Variants in CYSTM1 observed in about 807,000 individuals in gnomAD.
CYSTM1 encodes cysteine rich transmembrane module containing 1, also known as cysteine-rich transmembrane module-containing protein 1.
CYSTM1 carries 4 observed loss-of-function variants against 13.1 expected under a neutral mutation model. The observed-to-expected ratio is 0.31, with a 90% confidence interval of 0.15 to 0.70. The LOEUF is 0.70. Among genes scored for constraint, CYSTM1 ranks in the 30% least tolerant of loss-of-function variants. CYSTM1 has a pLI of 0.72. For synonymous variants in CYSTM1, 36 were observed against 42.7 expected (o/e 0.84, Z 0.62); for missense variants, 96 against 121.6 (o/e 0.79, Z 0.99).
chr5:140,204,344 G>A lies in CYSTM1; in HGVS notation c.187+9692G>A, dbSNP rs141245287. 3.0e-3 allele frequency among the ~76,000 whole-genome samples: 460 copies of A among 152,282 alleles called. 1 individual carries two copies. Among genetic ancestry groups the A allele is most frequent in the African/African-American group, 0.011 (445 of 41,554 alleles). The stretch of plus-strand genomic sequence containing the variant: ...ACTAGGATTGAGCCACTGCACTCCA[G>A]CTTGTGCGACAGAGCAAGACCCTGT... On this transcript the variant is annotated intron_variant, in intron 2 of 2. Transcript: ENST00000261811.
intron 1 of CYSTM1, among the ~76,000 whole-genome samples, chr5:140,185,213 T>TTCATTCAAGGCCAGGCCTTC (rs1764002081): frequency 6.6e-6 from 1 of 152,210 alleles, no homozygotes. Context: ...CCTTCAGAGG[T>TTCATTCAAGGCCAGGCCTTC]AGATGATCCA....
rs1764726961 is a variant in CYSTM1, at chr5:140,239,952, T to C, written c.188-3353T>C. 6.6e-6 allele frequency among the ~76,000 whole-genome samples: 1 copy of C among 152,024 alleles called. No individual in the cohort carries two copies. The highest frequency in any genetic ancestry group is 2.4e-5 in the African/African-American group (1 of 41,396). On this transcript the variant is annotated intron_variant, in intron 2 of 2. Coordinates refer to ENST00000261811, the MANE Select transcript of CYSTM1 (RefSeq NM_032412.4). This position sits in a 1 kb window ranked among gnomAD's most constrained non-coding sequence, Gnocchi z 5.4. ...TAGATAGCGAATGAGGGATGAGCCT[T>C]TTGGCGCTGATGCTTATGGAAGGAA...
Position 140,229,407 on chromosome 5 carries a change from G to A in CYSTM1, c.188-13898G>A, listed in dbSNP as rs144346913. Reference sequence around the variant, plus strand: ...AGACAGGGTTTTGCCATGTTTTCCAGGCTGGTCTTGAACTCCTGAATTTAA... The same window carrying A: ...AGACAGGGTTTTGCCATGTTTTCCAAGCTGGTCTTGAACTCCTGAATTTAA... On this transcript the variant is annotated intron_variant, in intron 2 of 2. Transcript: ENST00000261811. 3.3e-5 allele frequency among the ~76,000 whole-genome samples: 5 copies of A among 151,978 alleles called. No homozygotes were observed. The East Asian group carries it at 9.7e-4, about 30-fold the overall frequency.
intron 1 of CYSTM1, among the ~76,000 whole-genome samples, chr5:140,187,421 G>A (rs1036860669): frequency 2.6e-5 from 4 of 151,998 alleles, no homozygotes; most frequent in South Asian, 2.1e-4. Flanking sequence ...CTTGAGTGCC[G>A]TGGTGTGATC....
At chr5:140,226,497 T>A (rs1367902144) in intron 2 of CYSTM1, among the ~76,000 whole-genome samples, 1 of 103,956 alleles carries the variant, frequency 9.6e-6, no homozygotes, top group Non-Finnish European at 1.8e-5. Flanking sequence ...ATATATATAA[T>A]ATATATAAAT....
chr5:140,211,241 T>C (rs1764362758), intron 2 of CYSTM1, among the ~76,000 whole-genome samples: 1 of 152,222 alleles, frequency 6.6e-6, no homozygotes, highest in Non-Finnish European at 1.5e-5. Flanking sequence ...CTCCATCATA[T>C]AGATGAAGAA....
chr5:140,195,709 G>A (rs1316866883), intron 2 of CYSTM1, among the ~76,000 whole-genome samples: 2 of 149,828 alleles, frequency 1.3e-5, no homozygotes, highest in Non-Finnish European at 3.0e-5. Context: ...GGGATTACAG[G>A]CGTGAGCCAC....
chr5:140,227,082 GC>G (rs1331971596), intron 2 of CYSTM1, among the ~76,000 whole-genome samples: 1 of 152,156 alleles, frequency 6.6e-6, no homozygotes, highest in African/African-American at 2.4e-5. Flanking sequence ...CCTGGAGGTG[GC>G]CCCTGGAGCA....
intron 1 of CYSTM1, among the ~76,000 whole-genome samples, chr5:140,179,205 A>G (rs917506515): frequency 5.3e-5 from 8 of 151,774 alleles, no homozygotes; most frequent in Non-Finnish European, 1.0e-4. Context: ...GGCTGCAATG[A>G]ACCATGATCA....
intron 1 of CYSTM1, among the ~76,000 whole-genome samples, chr5:140,188,758 G>A (rs1453491264): frequency 7.2e-6 from 1 of 138,070 alleles, no homozygotes; most frequent in African/African-American, 2.7e-5. Flanking sequence ...CCACCTGGGT[G>A]GAAGAGCGAG....
At chr5:140,190,754 G>A (rs536298335) in intron 1 of CYSTM1, among the ~76,000 whole-genome samples, 8 of 152,254 alleles carry the variant, frequency 5.3e-5, no homozygotes, top group African/African-American at 1.9e-4. Context: ...GAATGAGATC[G>A]TGGGATAGCA....
chr5:140,177,647 A>G lies in CYSTM1; in HGVS notation c.-21+2362A>G, dbSNP rs562169052. Among the ~76,000 whole-genome samples the G allele has an allele frequency of 1.6e-4, 24 of 152,296 alleles. No homozygotes were observed. The South Asian group carries it at 4.1e-3, about 26-fold the overall frequency. On this transcript the variant is annotated intron_variant, in intron 1 of 2. Coordinates refer to ENST00000261811, the MANE Select transcript of CYSTM1 (RefSeq NM_032412.4). Reference sequence around the variant, plus strand: ...ACGGGACTTCCAGTCAGATCAGTGAAGTCATTCTCTGTAAAAGAAGCCCCG... The same window carrying G: ...ACGGGACTTCCAGTCAGATCAGTGAGGTCATTCTCTGTAAAAGAAGCCCCG...
At chr5:140,221,732 C>T (rs995846162) in intron 2 of CYSTM1, among the ~76,000 whole-genome samples, 1 of 152,308 alleles carries the variant, frequency 6.6e-6, no homozygotes, top group South Asian at 2.1e-4. Flanking sequence ...GTTTAAAGCA[C>T]AAGGAGCAGG....
intron 1 of CYSTM1, among the ~76,000 whole-genome samples, chr5:140,181,206 G>T (rs992288161): frequency 6.6e-6 from 1 of 152,138 alleles, no homozygotes; most frequent in African/African-American, 2.4e-5. Flanking sequence ...TGAAGAGGGG[G>T]ACATTTGTAA....
intron 2 of CYSTM1, among the ~76,000 whole-genome samples, chr5:140,232,155 C>T (rs546522409): frequency 6.6e-6 from 1 of 152,266 alleles, no homozygotes; most frequent in African/African-American, 2.4e-5. Context: ...GTGGTGTTTA[C>T]AGAGGTTGGG....
intron 2 of CYSTM1, among the ~76,000 whole-genome samples, chr5:140,214,892 C>T (rs562282366): frequency 2.0e-4 from 30 of 152,290 alleles, no homozygotes; most frequent in Non-Finnish European, 3.5e-4. Context: ...GGGGACCATC[C>T]GAGGTGACAC....
chr5:140,239,673 G>A lies in CYSTM1; in HGVS notation c.188-3632G>A, dbSNP rs892038177. 6.6e-6 allele frequency among the ~76,000 whole-genome samples: 1 copy of A among 152,202 alleles called. No homozygotes were observed. Among genetic ancestry groups the A allele is most frequent in the African/African-American group, 2.4e-5 (1 of 41,446 alleles). On this transcript the variant is annotated intron_variant, in intron 2 of 2. Coordinates refer to ENST00000261811, the MANE Select transcript of CYSTM1 (RefSeq NM_032412.4). This position sits in a 1 kb window ranked among gnomAD's most constrained non-coding sequence, Gnocchi z 5.4. ...TCCTGGGCCACATCTGTGTGCTCAC[G>A]CACCTCTCCCTGCACGTTCCCCACC...
intron 2 of CYSTM1, among the ~76,000 whole-genome samples, chr5:140,198,976 GC>G (rs1764186615): frequency 6.6e-6 from 1 of 151,992 alleles, no homozygotes; most frequent in African/African-American, 2.4e-5. Context: ...TCCCCGACAG[GC>G]CCCAGTGTGT....
At chr5:140,204,794 T>C (rs1209003638) in intron 2 of CYSTM1, among the ~76,000 whole-genome samples, 1 of 152,182 alleles carries the variant, frequency 6.6e-6, no homozygotes, top group Non-Finnish European at 1.5e-5. Context: ...TGTATGTGTA[T>C]GTGTATATGC....
Sources: allele counts gnomAD v4.1 joint callset (sites outside exome capture counted in the v4.1 genomes callset), GRCh38; gene constraint gnomAD v4.1.1; non-coding constraint Gnocchi (gnomAD v3.1); transcripts MANE v1.5; gene names NCBI Gene and HGNC (gene_info 2026-07-23, HGNC 2026-07-21).